Variants in SPECC1L observed in about 807,000 individuals in gnomAD.
The protein encoded by SPECC1L is cytospin-A.
Under a neutral mutation model 116.8 loss-of-function variants are expected in SPECC1L, and 40 were observed. That is an observed-to-expected ratio of 0.34 (90% CI 0.27 to 0.45). The LOEUF (loss-of-function observed/expected upper bound fraction) is 0.45, where lower values mean the gene tolerates loss of function less well. SPECC1L is among the 20% of genes least tolerant of loss of function. The pLI, the probability that SPECC1L is intolerant of heterozygous loss-of-function variation, is 1.00. For synonymous variants in SPECC1L, 504 were observed against 500.6 expected (o/e 1.01, Z -0.09); for missense variants, 1,110 against 1,373.6 (o/e 0.81, Z 3.03).
chr22:24,417,307 T>G lies in SPECC1L; in HGVS notation c.*2684T>G, dbSNP rs2042818944. The G allele has an allele frequency of 6.6e-6, 1 of 152,458 alleles. No individual in the cohort carries two copies. The highest frequency in any genetic ancestry group is 2.4e-5 in the African/African-American group (1 of 41,458). 9.4% of individuals were successfully genotyped at this position (152,458 alleles called of 1,614,324 possible). A position where few individuals can be genotyped will look rare whatever the true frequency, so the allele number is the denominator to read the frequency against. On this transcript the variant is annotated 3_prime_UTR_variant, in exon 17 of 17. Coordinates refer to ENST00000314328, the MANE Select transcript of SPECC1L (RefSeq NM_015330.6). ...TCCCTGCCGTCCCTCTGACGTCGCA[T>G]AAACCAGAACCCAGCTCCCTCCTGG...
chr22:24,346,485 A>G (rs2041298505), intron 10 of SPECC1L, among the ~76,000 whole-genome samples: 1 of 152,240 alleles, frequency 6.6e-6, no homozygotes, highest in Non-Finnish European at 1.5e-5. Flanking sequence ...GTACAATTAC[A>G]AAAGGAGCAC....
chr22:24,330,824 G>C lies in SPECC1L; in HGVS notation c.2396+393G>C, dbSNP rs1403994830. Among the ~76,000 whole-genome samples, 9 of 152,214 alleles carry C rather than the reference G, an allele frequency of 5.9e-5. No homozygotes were observed. The East Asian group carries it at 1.4e-3, about 23-fold the overall frequency. ...TCTTACTAGCTGTAATCTTGGTCAG[G>C]AATCTTGACTTCCCTGAGCCTCAGT... On this transcript the variant is annotated intron_variant, in intron 8 of 16. Coordinates refer to ENST00000314328, the MANE Select transcript of SPECC1L (RefSeq NM_015330.6).
chr22:24,344,342 T>A (rs200054795), intron 10 of SPECC1L, among the ~76,000 whole-genome samples: 10 of 145,768 alleles, frequency 6.9e-5, no homozygotes, highest in Non-Finnish European at 1.1e-4. Flanking sequence ...GGAAAAAAAA[T>A]TAAAAAAAAA....
chr22:24,390,768 G>A (rs771114804), intron 14 of SPECC1L, among the ~76,000 whole-genome samples: 1 of 150,756 alleles, frequency 6.6e-6, no homozygotes, highest in Non-Finnish European at 1.5e-5. Flanking sequence ...AAGGCTCAGC[G>A]GTTGGCCAAG....
chr22:24,338,533 C>T, intron 10 of SPECC1L, 56 bp downstream of exon 10: 1 of 1,500,588 alleles, frequency 6.7e-7, no homozygotes. Flanking sequence ...AAAGTTGAGG[C>T]CTTTTCTTCA....
intron 2 of SPECC1L, among the ~76,000 whole-genome samples, chr22:24,292,910 A>G (rs2049182057): frequency 6.6e-6 from 1 of 152,202 alleles, no homozygotes; most frequent in African/African-American, 2.4e-5. Context: ...CCTTGGGCTG[A>G]TTTACCAAAT....
chr22:24,317,800 TCAGA>T (rs965297828), intron 4 of SPECC1L, among the ~76,000 whole-genome samples: 1 of 146,720 alleles, frequency 6.8e-6, no homozygotes, highest in Non-Finnish European at 1.5e-5. Context: ...TCCTCACTTC[TCAGA>T]CAGGGCGGTT....
chr22:24,360,591 G>A (rs2041624520), intron 11 of SPECC1L, among the ~76,000 whole-genome samples: 2 of 151,862 alleles, frequency 1.3e-5, no homozygotes, highest in South Asian at 2.1e-4. Flanking sequence ...AGTGTGTATT[G>A]TAAAAGAGAA....
intron 8 of SPECC1L, 133 bp downstream of exon 8, chr22:24,330,564 G>A: frequency 1.1e-6 from 1 of 922,736 alleles, no homozygotes. Context: ...AAGTTACTCA[G>A]CTTTTCTGGG....
intron 14 of SPECC1L, among the ~76,000 whole-genome samples, chr22:24,393,580 A>G (rs555963332): frequency 6.6e-6 from 1 of 152,272 alleles, no homozygotes; most frequent in South Asian, 2.1e-4. Context: ...CCTGTACTAC[A>G]TTCAGTTAAA....
Position 24,363,351 on chromosome 22 carries a change from A to C in SPECC1L, c.2827+7A>C, listed in dbSNP as rs1471606050. 1 of 1,611,166 alleles carries C rather than the reference A, an allele frequency of 6.2e-7. No homozygotes were observed. Among genetic ancestry groups the C allele is most frequent in the Non-Finnish European group, 8.5e-7 (1 of 1,177,320 alleles). ...AGTGCCAAGACCCTCTCAGGTGATG[A>C]CTTTCATCTGAATTTTTGTTGTATT... On this transcript the variant is annotated splice_region_variant and intron_variant, in intron 12 of 16. Transcript: ENST00000314328.
chr22:24,412,339 C>G (rs1329144719), intron 15 of SPECC1L: 1 of 466,656 alleles, frequency 2.1e-6, no homozygotes, highest in East Asian at 4.3e-5. Flanking sequence ...ATGAGTGTTC[C>G]TAACTAGCTT....
intron 2 of SPECC1L, among the ~76,000 whole-genome samples, chr22:24,300,547 A>G (rs530961066): frequency 6.6e-6 from 1 of 152,352 alleles, no homozygotes; most frequent in African/African-American, 2.4e-5. Context: ...AGGAATCACC[A>G]TACTGTCTTC....
At chr22:24,293,226 C>T (rs1336835148) in intron 2 of SPECC1L, among the ~76,000 whole-genome samples, 3 of 152,174 alleles carry the variant, frequency 2.0e-5, no homozygotes, top group African/African-American at 4.8e-5. Flanking sequence ...GAGGCCGAGG[C>T]AGTCGAATCA....
In SPECC1L at chr22:24,302,280, A is replaced by G; in HGVS notation, c.49A>G (p.Ile17Val). 6.2e-7 allele frequency: 1 copy of G among 1,614,230 alleles called. No individual in the cohort carries two copies. Among genetic ancestry groups the G allele is most frequent in the Non-Finnish European group, 8.5e-7 (1 of 1,180,042 alleles). Residue 17 changes from isoleucine (I) to valine (V), a missense_variant, in exon 3 of 17, where the codon ATA (isoleucine) becomes GTA (valine). By Grantham distance (29) the Ile-to-Val change is conservative. Coordinates refer to ENST00000314328, the MANE Select transcript of SPECC1L (RefSeq NM_015330.6). ...TGGCTCAGTGCCTAAAGTGTCTGCA[A>G]TAAGTAAAACGCAAACAGCAGAAAA... ...SVGSVPKVSA[I>V]SKTQTAEKIK...
chr22:24,382,529 C>A (rs536480771), intron 14 of SPECC1L, among the ~76,000 whole-genome samples: 2 of 151,886 alleles, frequency 1.3e-5, no homozygotes, highest in South Asian at 4.2e-4. Context: ...ATGGTGAAAC[C>A]CCGTCTCTAC....
Position 24,334,411 on chromosome 22 carries a change from C to G in SPECC1L, c.2398C>G (p.Gln800Glu). The change falls in exon 9 of 17, where the codon CAA (glutamine) becomes GAA (glutamate). Residue 800 changes from glutamine to glutamate, a missense_variant and splice_region_variant. Around this residue, in one of 4 missense-constraint regions of SPECC1L, gnomAD observed 575 missense variants for 682.4 expected, o/e 0.84. Transcript: ENST00000314328. The stretch of plus-strand genomic sequence containing the variant: ...CTCTGATTTCAATATTATTTTCAGG[C>G]AAGAGGAGGAGCGAGGCCGGGTATA... ...KELEEIKSRK[Q>E]EEERGRVYNY... is the part of the protein sequence containing the mutation. 3 of 1,613,936 alleles carry G rather than the reference C, an allele frequency of 1.9e-6. No homozygotes were observed. The highest frequency in any genetic ancestry group is 2.5e-6 in the Non-Finnish European group (3 of 1,179,932).
chr22:24,367,816 A>G (rs1293162718), intron 13 of SPECC1L, among the ~76,000 whole-genome samples: 1 of 152,194 alleles, frequency 6.6e-6, no homozygotes, highest in Non-Finnish European at 1.5e-5. Context: ...GTAACATACG[A>G]ACCTTTAGGA....
Position 24,329,006 on chromosome 22 carries a change from T to TGG in SPECC1L, c.2220+87_2220+88insGG, listed in dbSNP as rs1473717618. The TGG allele has an allele frequency of 2.9e-6, 3 of 1,032,402 alleles. No individual in the cohort carries two copies. The East Asian group carries it at 7.5e-5, about 26-fold the overall frequency. 64.0% of individuals were successfully genotyped at this position (1,032,402 alleles called of 1,614,324 possible). ...TCATTGACCATGTTATCATTCATCT[T>TGG]AAGTTTTGGATACAGTGATAATACT... On this transcript the variant is annotated intron_variant, in intron 7 of 16. Transcript: ENST00000314328.
Sources: allele counts gnomAD v4.1 joint callset (sites outside exome capture counted in the v4.1 genomes callset), GRCh38; gene constraint gnomAD v4.1.1; regional missense constraint gnomAD v4.1.1; transcripts MANE v1.5; gene names NCBI Gene and HGNC (gene_info 2026-07-23, HGNC 2026-07-21).